The following EP400 variants were observed in gnomAD, a reference collection of about 807,000 sequenced individuals.
The protein encoded by EP400 is E1A-binding protein p400.
A neutral mutation model predicts 354.1 loss-of-function variants in EP400; 105 were observed. The observed-to-expected ratio is 0.30, with a 90% CI of 0.25 to 0.35. The LOEUF (loss-of-function observed/expected upper bound fraction) is 0.35. Among genes scored for constraint, EP400 ranks in the 10% least tolerant of loss-of-function variants. The pLI is 1.00. For synonymous variants in EP400, 1,646 were observed against 1,716.9 expected, an observed-to-expected ratio of 0.96 and a Z score of 1.02; for missense variants, 3,280 against 4,121.0, an observed-to-expected ratio of 0.80 and a Z score of 5.59.
intron 45 of EP400, among the ~76,000 whole-genome samples, chr12:132,058,741 A>G (rs982095519): frequency 2.6e-5 from 4 of 151,778 alleles, no homozygotes; most frequent in Non-Finnish European, 1.5e-5. Flanking sequence ...GCTCCTACGT[A>G]TGTAGAATTG....
In EP400 at chr12:132,067,299, G is replaced by A; in HGVS notation, c.8750-63G>A. ...GTAGAGGTGAGTCAGTTGGAACAGA[G>A]CTTGGCGTGAGCCTCAAGCTCTTTT... On this transcript the variant is annotated intron_variant, in intron 49 of 52. Transcript: ENST00000389561. The surrounding 1 kb of genome is among the most constrained non-coding windows in gnomAD (Gnocchi z 5.3). 1 of 1,582,720 alleles carries A rather than the reference G, an allele frequency of 6.3e-7. No homozygotes were observed. The highest frequency in any genetic ancestry group is 8.6e-7 in the Non-Finnish European group (1 of 1,161,850).
chr12:131,982,024 C>A, intron 4 of EP400, 69 bp from the exon 5 acceptor site: 1 of 1,492,424 alleles, frequency 6.7e-7, no homozygotes, highest in Non-Finnish European at 8.9e-7. Context: ...GACGTGTCTC[C>A]TTGTGACTCA....
intron 45 of EP400, among the ~76,000 whole-genome samples, chr12:132,060,839 G>A (rs1235919892): frequency 6.6e-6 from 1 of 151,456 alleles, no homozygotes; most frequent in Non-Finnish European, 1.5e-5. Flanking sequence ...GCTTGAACCT[G>A]GGAGGCAGAG....
chr12:132,032,315 G>C (rs1264176471), intron 30 of EP400, among the ~76,000 whole-genome samples, 166 bp downstream of exon 30: 1 of 152,246 alleles, frequency 6.6e-6, no homozygotes, highest in East Asian at 1.9e-4. Context: ...TAAAGACAAT[G>C]CATGATATCT....
intron 5 of EP400, among the ~76,000 whole-genome samples, chr12:131,986,285 T>G (rs1233467578): frequency 6.6e-6 from 1 of 152,222 alleles, no homozygotes; most frequent in African/African-American, 2.4e-5. Context: ...GGCCTAAAGA[T>G]AGTTCATAAT....
intron 45 of EP400, among the ~76,000 whole-genome samples, chr12:132,057,100 A>G (rs531582695): frequency 2.0e-5 from 3 of 152,328 alleles, no homozygotes; most frequent in East Asian, 3.9e-4. Flanking sequence ...GTCGCTTCCT[A>G]AAACAGTTTC....
rs796190635 is a variant in EP400, at chr12:132,050,348, C to T, written c.7226C>T (p.Thr2409Met). The T allele has an allele frequency of 1.2e-6, 2 of 1,614,104 alleles. No homozygotes were observed. The highest frequency in any genetic ancestry group is 2.2e-5 in the East Asian group (1 of 44,874). Residue 2409 changes from threonine to methionine, a missense_variant, in exon 40 of 53, where the codon ACG (threonine) becomes ATG (methionine). By Grantham distance (81) the Thr-to-Met change is moderately conservative. This residue lies in a region of EP400 where 84 missense variants were observed against 133.0 expected (regional missense o/e 0.63). Coordinates refer to ENST00000389561, the MANE Select transcript of EP400 (RefSeq NM_015409.5). This position sits in a 1 kb window ranked among gnomAD's most constrained non-coding sequence, Gnocchi z 4.8. ...GKSKNNRPLR[T>M]SQIYAQDENA... is the part of the protein sequence containing the mutation. ...AGTAAAAACAACCGTCCTCTCCGTA[C>T]GAGCCAGATCTATGCCCAGGATGAG...
At chr12:131,983,113 G>C in intron 5 of EP400, among the ~76,000 whole-genome samples, 1 of 152,172 alleles carries the variant, frequency 6.6e-6, no homozygotes. Flanking sequence ...CAACCCTCAG[G>C]TAGGTGGCAG....
Position 131,994,502 on chromosome 12 carries a change from T to A in EP400, c.2738-365T>A, listed in dbSNP as rs1566177757. ...AGAGTCAAGGAGAGTGTTAGGCTGA[T>A]GTGGCTGGGCCTCGTGAGATGGGCG... On this transcript the variant is annotated intron_variant, in intron 11 of 52. Transcript: ENST00000389561. The surrounding 1 kb of genome is among the most constrained non-coding windows in gnomAD (Gnocchi z 4.6). Among the ~76,000 whole-genome samples the A allele has an allele frequency of 6.6e-6, 1 of 151,996 alleles. No homozygotes were observed. Among genetic ancestry groups the A allele is most frequent in the Non-Finnish European group, 1.5e-5 (1 of 67,984 alleles).
At chr12:131,985,835 T>C (rs979666503) in intron 5 of EP400, among the ~76,000 whole-genome samples, 4 of 152,216 alleles carry the variant, frequency 2.6e-5, no homozygotes, top group African/African-American at 9.6e-5. Flanking sequence ...CTTGAACTCC[T>C]GACCTCAGGT....
intron 47 of EP400, among the ~76,000 whole-genome samples, chr12:132,063,255 A>G (rs889903653): frequency 2.6e-5 from 4 of 152,200 alleles, no homozygotes; most frequent in African/African-American, 9.7e-5. Context: ...GCTCACGCCT[A>G]TAATCCCAGC....
intron 41 of EP400, among the ~76,000 whole-genome samples, chr12:132,051,622 A>G (rs988403270): frequency 6.6e-6 from 1 of 152,160 alleles, no homozygotes; most frequent in African/African-American, 2.4e-5. Context: ...ACTTTCACTA[A>G]TTTGCTGCTG....
chr12:131,950,277 A>G (rs1291994273), intron 1 of EP400, among the ~76,000 whole-genome samples: 1 of 151,926 alleles, frequency 6.6e-6, no homozygotes. Flanking sequence ...AGGTCGCGCG[A>G]TCCGCGCCCA....
At chr12:132,034,721 G>T (rs1027380717) in intron 30 of EP400, among the ~76,000 whole-genome samples, 7 of 152,252 alleles carry the variant, frequency 4.6e-5, no homozygotes, top group Non-Finnish European at 7.3e-5. Flanking sequence ...CGCACACCTT[G>T]TGCTCCACGA....
chr12:131,969,515 T>C (rs548726929), intron 2 of EP400, among the ~76,000 whole-genome samples: 10 of 152,296 alleles, frequency 6.6e-5, no homozygotes, highest in Admixed American at 6.5e-4. Context: ...TTATCTGTGA[T>C]TGGCCAATTG....
chr12:132,037,967 G>A lies in EP400; in HGVS notation c.6078G>A (p.Glu2026=), dbSNP rs1202883550. Residue 2026 remains glutamate, a synonymous_variant, in exon 32 of 53, where the codon GAG becomes GAA. Coordinates refer to ENST00000389561, the MANE Select transcript of EP400 (RefSeq NM_015409.5). ...MAFLTQRTIQ[E]LFEVYSPMDD... is the part of the protein sequence containing the mutation. ...TCTGTGTTCAGCGAACCATCCAGGAGCTGTTTGAAGTTTATTCTCCCATGG... is the reference window on the plus strand; with the variant it reads ...TCTGTGTTCAGCGAACCATCCAGGAACTGTTTGAAGTTTATTCTCCCATGG... 2 of 1,614,124 alleles carry A rather than the reference G, an allele frequency of 1.2e-6. No individual in the cohort carries two copies. The highest frequency in any genetic ancestry group is 1.7e-5 in the Admixed American group (1 of 60,010).
At chr12:132,020,423 A>G (rs1328993546) in intron 22 of EP400, among the ~76,000 whole-genome samples, 1 of 152,192 alleles carries the variant, frequency 6.6e-6, no homozygotes, top group Non-Finnish European at 1.5e-5. Context: ...TTCCCTATTG[A>G]AGAAGCTTCA....
In EP400 at chr12:132,062,530, G is replaced by A. The variant is rs1895731125; in HGVS notation, c.8163G>A (p.Gln2721=). 6.2e-7 allele frequency: 1 copy of A among 1,604,800 alleles called. No homozygotes were observed. The highest frequency in any genetic ancestry group is 8.5e-7 in the Non-Finnish European group (1 of 1,176,936). The change falls in exon 47 of 53, where the codon CAG becomes CAA. Residue 2721 remains glutamine, a synonymous_variant. Coordinates refer to ENST00000389561, the MANE Select transcript of EP400 (RefSeq NM_015409.5). ...CACATTTCCAGCTTCTCAGGCAGCA[G>A]CAGCAGCAGCAGCAACAACAGCAGC... ...TPAHFQLLRQ[Q]QQQQQQQQQQ...
Position 132,017,630 on chromosome 12 carries a change from C to A in EP400, c.4019C>A (p.Pro1340His). The A allele has an allele frequency of 1.2e-6, 2 of 1,609,924 alleles. No individual in the cohort carries two copies. The highest frequency in any genetic ancestry group is 1.7e-6 in the Non-Finnish European group (2 of 1,177,682). The change falls in exon 20 of 53, where the codon CCC becomes CAC. Residue 1340 changes from proline to histidine, a missense_variant. Pro to His is a moderately conservative substitution (Grantham distance 77). Transcript: ENST00000389561. The surrounding 1 kb of genome is among the most constrained non-coding windows in gnomAD (Gnocchi z 5.0). Reference sequence around the variant, plus strand: ...TGCAACCACCCTGGGCTCGTCGAGCCCCGGCACCCAGGCTCTTCCTACGTG... The same window carrying A: ...TGCAACCACCCTGGGCTCGTCGAGCACCGGCACCCAGGCTCTTCCTACGTG... ...RICNHPGLVE[P>H]RHPGSSYVAG...
Sources: allele counts gnomAD v4.1 joint callset (sites outside exome capture counted in the v4.1 genomes callset), GRCh38; gene constraint gnomAD v4.1.1; regional missense constraint gnomAD v4.1.1; non-coding constraint Gnocchi (gnomAD v3.1); transcripts MANE v1.5; gene names NCBI Gene and HGNC (gene_info 2026-07-23, HGNC 2026-07-21).